Variants in NRXN1 observed in about 807,000 individuals in gnomAD.
The protein encoded by NRXN1 is neurexin-1.
In NRXN1, 39 loss-of-function variants were observed where a neutral mutation model predicts 150.9. That is an observed-to-expected ratio of 0.26 (90% CI 0.20 to 0.34). NRXN1 has a LOEUF of 0.34. Ranked by LOEUF, NRXN1 falls within the 10% of genes least tolerant of loss-of-function variation. NRXN1 has a pLI of 1.00. For missense variants in NRXN1, 1,815 were observed against 1,949.9 expected (o/e 0.93, Z 1.30); for synonymous variants, 924 against 757.0 (o/e 1.22, Z -3.62).
intron 15 of NRXN1, among the ~76,000 whole-genome samples, chr2:50,495,377 TG>T (rs2091518828): frequency 7.5e-4 from 5 of 6,678 alleles, no homozygotes; most frequent in African/African-American, 3.8e-3. Flanking sequence ...TGTGTGTGTG[TG>T]TGGTGTGTGT....
chr2:50,239,424 G>A (rs890880093), intron 17 of NRXN1, among the ~76,000 whole-genome samples: 2 of 150,496 alleles, frequency 1.3e-5, no homozygotes, highest in Non-Finnish European at 3.0e-5. Flanking sequence ...GATGGTTTAA[G>A]AATTATATAA....
chr2:50,281,268 G>C (rs534020864), intron 17 of NRXN1, among the ~76,000 whole-genome samples: 1 of 151,732 alleles, frequency 6.6e-6, no homozygotes, highest in African/African-American at 2.4e-5. Context: ...AGTGAGCCGA[G>C]ATCGCGCCGC....
At chr2:50,363,748 C>T (rs139579162) in intron 17 of NRXN1, among the ~76,000 whole-genome samples, 1,574 of 152,244 alleles carry the variant, frequency 0.01, 31 homozygotes, top group African/African-American at 0.037. Flanking sequence ...TGGGTATATA[C>T]CCAAAGGATT....
At chr2:50,423,727 T>C (rs1171560497) in intron 17 of NRXN1, among the ~76,000 whole-genome samples, 1 of 151,682 alleles carries the variant, frequency 6.6e-6, no homozygotes, top group Non-Finnish European at 1.5e-5. Context: ...GAGAGACACA[T>C]GATAAAGCAT....
In NRXN1 at chr2:50,808,398, T is replaced by C. The variant is rs183071951; in HGVS notation, c.832+113471A>G. The stretch of plus-strand genomic sequence containing the variant: ...TGAATACATCATTGTTAATTTTGAG[T>C]TGGCAGAGGTAAATTAACCAACTAC... On this transcript the variant is annotated intron_variant, in intron 5 of 22. Transcript: ENST00000401669. Among the ~76,000 whole-genome samples, 47 of 152,202 alleles carry C rather than the reference T, an allele frequency of 3.1e-4. 1 individual carries two copies. Among genetic ancestry groups the C allele is most frequent in the Non-Finnish European group, 4.4e-5 (3 of 67,970 alleles).
intron 2 of NRXN1, among the ~76,000 whole-genome samples, chr2:50,966,556 C>T (rs1392711404): frequency 6.6e-6 from 1 of 151,562 alleles, no homozygotes; most frequent in East Asian, 1.9e-4. Flanking sequence ...ATGGGCATTA[C>T]ATTAGAAAGG....
intron 21 of NRXN1, among the ~76,000 whole-genome samples, chr2:49,985,555 G>A (rs1680762941): frequency 6.6e-6 from 1 of 152,162 alleles, no homozygotes; most frequent in African/African-American, 2.4e-5. Flanking sequence ...ACTCTAGTCA[G>A]ATCAAGCAAA....
intron 19 of NRXN1, among the ~76,000 whole-genome samples, chr2:50,088,124 C>T (rs1026092276): frequency 6.6e-5 from 10 of 152,016 alleles, no homozygotes; most frequent in Non-Finnish European, 8.8e-5. Context: ...AGAGCCATAC[C>T]ACAAACTGAC....
intron 21 of NRXN1, among the ~76,000 whole-genome samples, chr2:49,955,180 T>C (rs1054640961): frequency 2.6e-5 from 4 of 152,134 alleles, no homozygotes; most frequent in Non-Finnish European, 5.9e-5. Flanking sequence ...TTTTTGGTTA[T>C]GAAAAAGGCA....
intron 17 of NRXN1, among the ~76,000 whole-genome samples, chr2:50,385,021 T>C (rs1054783575): frequency 6.6e-5 from 10 of 152,210 alleles, no homozygotes; most frequent in Non-Finnish European, 1.3e-4. Flanking sequence ...CTAGTTTCAA[T>C]GATCAGTCTC....
chr2:50,333,123 T>C (rs1397969546), intron 17 of NRXN1, among the ~76,000 whole-genome samples: 1 of 152,154 alleles, frequency 6.6e-6, no homozygotes, highest in East Asian at 1.9e-4. Context: ...GAATCATTGA[T>C]CTCCTTGATC....
chr2:50,077,689 C>A (rs1239224565), intron 19 of NRXN1, among the ~76,000 whole-genome samples: 1 of 152,014 alleles, frequency 6.6e-6, no homozygotes, highest in Non-Finnish European at 1.5e-5. Flanking sequence ...CAAAATATTC[C>A]TTTATTCTGC....
At chr2:50,196,600 G>A (rs1045277736) in intron 18 of NRXN1, among the ~76,000 whole-genome samples, 1 of 151,936 alleles carries the variant, frequency 6.6e-6, no homozygotes, top group Admixed American at 6.6e-5. Flanking sequence ...AAAACAGGCA[G>A]ATATACAGTT....
chr2:50,890,372 T>C (rs942475940), intron 5 of NRXN1, among the ~76,000 whole-genome samples: 9 of 151,872 alleles, frequency 5.9e-5, no homozygotes, highest in African/African-American at 9.7e-5. Context: ...AAATGTACCA[T>C]ATACATTTTA....
chr2:50,535,575 ATT>A (rs1433375133), intron 10 of NRXN1, among the ~76,000 whole-genome samples: 1 of 152,228 alleles, frequency 6.6e-6, no homozygotes, highest in East Asian at 1.9e-4. Flanking sequence ...TAACAGAATA[ATT>A]TTTATATGAT....
chr2:50,269,301 A>G (rs1331877791), intron 17 of NRXN1, among the ~76,000 whole-genome samples: 1 of 152,176 alleles, frequency 6.6e-6, no homozygotes, highest in African/African-American at 2.4e-5. Flanking sequence ...GGAATACTGT[A>G]TACTCTTCCC....
intron 17 of NRXN1, among the ~76,000 whole-genome samples, chr2:50,239,665 T>A (rs1268678248): frequency 1.4e-4 from 1 of 7,248 alleles, no homozygotes; most frequent in African/African-American, 9.8e-4. Flanking sequence ...TATTCCAGTA[T>A]ATATATATAT....
At position 50,588,517 on chromosome 2, in the gene NRXN1, C is replaced by T. The variant is rs188814503; in HGVS notation, c.1320+31505G>A. Among the ~76,000 whole-genome samples the T allele has an allele frequency of 4.1e-4, 63 of 152,212 alleles. 1 individual carries two copies. The highest frequency in any genetic ancestry group is 1.5e-3 in the African/African-American group (61 of 41,552). The stretch of plus-strand genomic sequence containing the variant: ...GAATGTCTGACTCCTCCGACTTCAT[C>T]CATTACTGAAAAATTTGTAATGGTA... On this transcript the variant is annotated intron_variant, in intron 8 of 22. Transcript: ENST00000401669.
chr2:50,223,137 C>G (rs945342936), intron 18 of NRXN1, among the ~76,000 whole-genome samples: 2 of 151,574 alleles, frequency 1.3e-5, no homozygotes, highest in Non-Finnish European at 2.9e-5. Context: ...CCTCACTAGT[C>G]TATTGAATCT....
Sources: allele counts gnomAD v4.1 joint callset (sites outside exome capture counted in the v4.1 genomes callset), GRCh38; gene constraint gnomAD v4.1.1; transcripts MANE v1.5; gene names NCBI Gene and HGNC (gene_info 2026-07-23, HGNC 2026-07-21).